KIAA1958: variants seen among roughly 807,000 people sequenced by gnomAD.
The protein encoded by KIAA1958 is uncharacterized protein KIAA1958.
In KIAA1958, 14 loss-of-function variants were observed where a neutral mutation model predicts 47.2. That is an observed-to-expected ratio of 0.30 (90% CI 0.20 to 0.46). KIAA1958 has a LOEUF of 0.46. Ranked by LOEUF, KIAA1958 falls within the 20% of genes least tolerant of loss-of-function variation. KIAA1958 has a pLI of 1.00. For missense variants in KIAA1958, 803 were observed against 909.2 expected (o/e 0.88, Z 1.50); for synonymous variants, 354 against 353.3 (o/e 1.00, Z -0.02).
chr9:112,601,837 G>C (rs1024278157), intron 2 of KIAA1958, among the ~76,000 whole-genome samples: 44 of 152,310 alleles, frequency 2.9e-4, no homozygotes, highest in Admixed American at 2.2e-3. Flanking sequence ...ATGAGCAGAT[G>C]ACTAATGTTT....
At chr9:112,550,994 G>C (rs781183455) in intron 1 of KIAA1958, among the ~76,000 whole-genome samples, 6 of 150,650 alleles carry the variant, frequency 4.0e-5, no homozygotes, top group Non-Finnish European at 8.8e-5. Flanking sequence ...AATGGGGTTT[G>C]AGCAACCTTG....
intron 1 of KIAA1958, among the ~76,000 whole-genome samples, chr9:112,504,431 C>T (rs1834199749): frequency 6.6e-6 from 1 of 152,184 alleles, no homozygotes; most frequent in Non-Finnish European, 1.5e-5. Context: ...TCAAGTGATC[C>T]ACCGGCCTCG....
rs187852356 is a variant in KIAA1958, at chr9:112,594,402, C to T, written c.1171+19151C>T. Among the ~76,000 whole-genome samples the T allele has an allele frequency of 2.9e-3, 439 of 152,286 alleles. 2 individuals carry two copies. Among genetic ancestry groups the T allele is most frequent in the Non-Finnish European group, 3.6e-3 (248 of 68,016 alleles). ...TCCTGAACATTTCATTACCCCATTGCCTCTCTTACTCCCTCCTCAGCCCCT... is the reference window on the plus strand; with the variant it reads ...TCCTGAACATTTCATTACCCCATTGTCTCTCTTACTCCCTCCTCAGCCCCT... On this transcript the variant is annotated intron_variant, in intron 2 of 3. Transcript: ENST00000337530.
At chr9:112,653,177 A>G (rs1271445607) in intron 3 of KIAA1958, among the ~76,000 whole-genome samples, 2 of 152,222 alleles carry the variant, frequency 1.3e-5, no homozygotes, top group Non-Finnish European at 2.9e-5. Context: ...ATTCTGGAAG[A>G]ATGAATAGAG....
At chr9:112,571,380 A>C (rs1489820939) in intron 1 of KIAA1958, among the ~76,000 whole-genome samples, 1 of 152,184 alleles carries the variant, frequency 6.6e-6, no homozygotes, top group Non-Finnish European at 1.5e-5. Flanking sequence ...GTTAGACTTT[A>C]GGGATTTTGA....
intron 3 of KIAA1958, among the ~76,000 whole-genome samples, chr9:112,654,499 G>GA (rs1837115437): frequency 6.6e-6 from 1 of 152,066 alleles, no homozygotes; most frequent in African/African-American, 2.4e-5. Flanking sequence ...GCAGCTATGT[G>GA]AAAAAAGCAC....
At chr9:112,602,530 A>G (rs1429450806) in intron 2 of KIAA1958, among the ~76,000 whole-genome samples, 2 of 152,200 alleles carry the variant, frequency 1.3e-5, no homozygotes, top group East Asian at 3.8e-4. Flanking sequence ...AGGAGGTTGA[A>G]GGGAGAGTGA....
chr9:112,535,245 C>G (rs980429150), intron 1 of KIAA1958, among the ~76,000 whole-genome samples: 1 of 152,114 alleles, frequency 6.6e-6, no homozygotes, highest in Non-Finnish European at 1.5e-5. Flanking sequence ...TTTCAGTCAT[C>G]CCACTGCACA....
chr9:112,500,140 C>T (rs913911437), intron 1 of KIAA1958, among the ~76,000 whole-genome samples: 2 of 151,928 alleles, frequency 1.3e-5, no homozygotes, highest in East Asian at 1.9e-4. Flanking sequence ...CTCGCTCTGT[C>T]GCCGAGCCTG....
At chr9:112,622,242 G>T (rs768710861) in intron 2 of KIAA1958, among the ~76,000 whole-genome samples, 2 of 152,132 alleles carry the variant, frequency 1.3e-5, no homozygotes, top group African/African-American at 4.8e-5. Flanking sequence ...AACTGAATGC[G>T]CTGCCTTTTC....
In KIAA1958 at chr9:112,613,469, A is replaced by G. The variant is rs144414881; in HGVS notation, c.1172-32181A>G. Among the ~76,000 whole-genome samples the G allele has an allele frequency of 2.0e-5, 3 of 152,344 alleles. No homozygotes were observed. The East Asian group carries it at 5.8e-4, about 29-fold the overall frequency. On this transcript the variant is annotated intron_variant, in intron 2 of 3. Transcript: ENST00000337530. ...ACAGGAGGCAAAAAGCATGAATCAT[A>G]AGGGAAATAAATTGATAAATTGGAC...
intron 1 of KIAA1958, among the ~76,000 whole-genome samples, chr9:112,530,874 G>A (rs572905695): frequency 1.5e-4 from 23 of 152,158 alleles, no homozygotes; most frequent in Non-Finnish European, 2.8e-4. Context: ...CAGAAATTAA[G>A]TTTAGCTTTT....
chr9:112,659,113 T>C, intron 3 of KIAA1958, 150 bp from the exon 4 acceptor site: 1 of 657,296 alleles, frequency 1.5e-6, no homozygotes, highest in Non-Finnish European at 2.7e-6. Context: ...AACCTAGATC[T>C]TCCAGTTTGA....
intron 2 of KIAA1958, among the ~76,000 whole-genome samples, chr9:112,635,215 TG>T (rs1429233230): frequency 0.091 from 270 of 2,980 alleles, 4 homozygotes; most frequent in Non-Finnish European, 0.23. Context: ...TTCTTTATTT[TG>T]TGTGTGTGTG....
intron 1 of KIAA1958, among the ~76,000 whole-genome samples, chr9:112,496,284 A>G (rs1011304074): frequency 1.3e-5 from 2 of 152,212 alleles, no homozygotes; most frequent in African/African-American, 2.4e-5. Context: ...TATGAATCTC[A>G]CAGACATATG....
In KIAA1958 at chr9:112,541,419, G is replaced by A. The variant is rs1834940162; in HGVS notation, c.-24-32638G>A. Among the ~76,000 whole-genome samples, 4 of 152,162 alleles carry A rather than the reference G, an allele frequency of 2.6e-5. No homozygotes were observed. The South Asian group carries it at 6.2e-4, about 24-fold the overall frequency. Reference sequence around the variant, plus strand: ...CAAAAATAATACCCAAAGGTAGAGGGTGATAATCAGCCCACAGGACTGATA... The same window carrying A: ...CAAAAATAATACCCAAAGGTAGAGGATGATAATCAGCCCACAGGACTGATA... On this transcript the variant is annotated intron_variant, in intron 1 of 3. Coordinates refer to ENST00000337530, the MANE Select transcript of KIAA1958 (RefSeq NM_133465.4).
intron 1 of KIAA1958, among the ~76,000 whole-genome samples, chr9:112,561,102 T>G (rs1011884061): frequency 1.3e-5 from 2 of 151,116 alleles, no homozygotes; most frequent in Non-Finnish European, 2.9e-5. Context: ...TTGCCCAGGC[T>G]GGAGTGCAGT....
At chr9:112,654,998 T>C (rs1276052737) in intron 3 of KIAA1958, among the ~76,000 whole-genome samples, 1 of 152,222 alleles carries the variant, frequency 6.6e-6, no homozygotes, top group Non-Finnish European at 1.5e-5. Flanking sequence ...AACAGTATTA[T>C]ATAATAACAG....
intron 2 of KIAA1958, among the ~76,000 whole-genome samples, chr9:112,601,434 T>C (rs945886183): frequency 1.3e-5 from 2 of 152,202 alleles, no homozygotes; most frequent in Non-Finnish European, 1.5e-5. Flanking sequence ...AGTCGTTTTC[T>C]AGGTCTTCTT....
Sources: allele counts gnomAD v4.1 joint callset (sites outside exome capture counted in the v4.1 genomes callset), GRCh38; gene constraint gnomAD v4.1.1; transcripts MANE v1.5; gene names NCBI Gene and HGNC (gene_info 2026-07-23, HGNC 2026-07-21).